The following NOSIP variants were observed in gnomAD, a reference collection of about 807,000 sequenced individuals.
NOSIP encodes the protein nitric oxide synthase interacting protein.
A neutral mutation model predicts 36.4 loss-of-function variants in NOSIP; 25 were observed. The ratio of observed to expected loss-of-function variants is 0.69; its 90% CI spans 0.50 to 0.96. The LOEUF (loss-of-function observed/expected upper bound fraction) is 0.96, where lower values mean the gene tolerates loss of function less well. Among genes scored for constraint, NOSIP ranks in the 40% least tolerant of loss-of-function variants. NOSIP has a pLI of 0.00. For synonymous variants in NOSIP, 187 were observed against 179.2 expected, an observed-to-expected ratio of 1.04 and a Z score of -0.35; for missense variants, 370 against 429.0, an observed-to-expected ratio of 0.86 and a Z score of 1.21.
chr19:49,566,388 A>G (rs773926907), intron 1 of NOSIP, among the ~76,000 whole-genome samples: 128 of 152,264 alleles, frequency 8.4e-4, no homozygotes, highest in Middle Eastern at 6.8e-3. Flanking sequence ...AGCTCGCTGC[A>G]GCCTCAAACT....
chr19:49,557,053 C>T, intron 5 of NOSIP, 37 bp downstream of exon 5: 3 of 1,591,830 alleles, frequency 1.9e-6, no homozygotes, highest in Non-Finnish European at 2.6e-6. Flanking sequence ...CCGCGGCGCC[C>T]CGCCCCCCAA....
At chr19:49,567,833 G>A (rs907673314) in intron 1 of NOSIP, among the ~76,000 whole-genome samples, 2 of 151,728 alleles carry the variant, frequency 1.3e-5, no homozygotes, top group African/African-American at 4.8e-5. Flanking sequence ...CACCAGGCCC[G>A]GCTAATTTTT....
chr19:49,567,617 G>C (rs1015830289), intron 1 of NOSIP, among the ~76,000 whole-genome samples: 3 of 152,072 alleles, frequency 2.0e-5, no homozygotes, highest in Non-Finnish European at 4.4e-5. Flanking sequence ...TGAGAGACTG[G>C]GAGAAGATAC....
intron 1 of NOSIP, among the ~76,000 whole-genome samples, chr19:49,577,095 C>A (rs2080563570): frequency 6.6e-6 from 1 of 151,972 alleles, no homozygotes; most frequent in South Asian, 2.1e-4. Flanking sequence ...TGACTATAAT[C>A]AAAAAGATAA....
In NOSIP at chr19:49,557,060, C is replaced by G. The variant is rs373825269; in HGVS notation, c.418+30G>C. On this transcript the variant is annotated intron_variant, in intron 5 of 8. Coordinates refer to ENST00000596358, the MANE Select transcript of NOSIP (RefSeq NM_001270960.2). ...CGCCCAGCCCGCGGCGCCCCGCCCCCCAACCCACAAGAAGCCCAACCTGAG... is the reference window on the plus strand; with the variant it reads ...CGCCCAGCCCGCGGCGCCCCGCCCCGCAACCCACAAGAAGCCCAACCTGAG... 100 of 1,600,256 alleles carry G rather than the reference C, an allele frequency of 6.2e-5. No individual in the cohort carries two copies. The Middle Eastern group carries it at 1.0e-3, about 16-fold the overall frequency.
intron 1 of NOSIP, among the ~76,000 whole-genome samples, chr19:49,566,316 G>A (rs111261691): frequency 0.098 from 14,931 of 152,018 alleles, 929 homozygotes; most frequent in Non-Finnish European, 0.14. Context: ...CACTGCGCCC[G>A]GCCTTTTCTT....
At chr19:49,570,691 C>T (rs900775250) in intron 1 of NOSIP, among the ~76,000 whole-genome samples, 2 of 152,116 alleles carry the variant, frequency 1.3e-5, no homozygotes, top group African/African-American at 4.8e-5. Flanking sequence ...TCTCAGTGAA[C>T]GTCCAACACC....
In NOSIP at chr19:49,555,590, A is replaced by C; in HGVS notation, c.*161T>G. On this transcript the variant is annotated 3_prime_UTR_variant, in exon 9 of 9. Coordinates refer to ENST00000596358, the MANE Select transcript of NOSIP (RefSeq NM_001270960.2). The stretch of plus-strand genomic sequence containing the variant: ...TGTTCTTAATGTGAGACCACATTCA[A>C]TATGCTTAGCCCGCTCTTTCAAACT... 1.7e-6 allele frequency: 1 copy of C among 600,460 alleles called. No homozygotes were observed. Among genetic ancestry groups the C allele is most frequent in the Non-Finnish European group, 3.0e-6 (1 of 333,208 alleles). The allele number at this position is 600,460 out of a possible 1,614,324, so 37.2% of individuals were successfully genotyped here. A position where few individuals can be genotyped will look rare whatever the true frequency, so the allele number is the denominator to read the frequency against.
chr19:49,556,578 G>A lies in NOSIP; in HGVS notation c.696C>T (p.Asn232=), dbSNP rs745886518. The A allele has an allele frequency of 5.6e-6, 9 of 1,605,936 alleles. No individual in the cohort carries two copies. Among genetic ancestry groups the A allele is most frequent in the East Asian group, 4.5e-5 (2 of 44,828 alleles). ...GCCGCAGCACAGCGCAGGGGGTGGC[G>A]TTGCTCAGGCTGTCGCGGGTCACGG... The part of the protein sequence containing the change: ...VCAVTRDSLS[N]ATPCAVLRPS... The change falls in exon 7 of 9, where the codon AAC becomes AAT. Residue 232 remains asparagine, a synonymous_variant. Coordinates refer to ENST00000596358, the MANE Select transcript of NOSIP (RefSeq NM_001270960.2).
chr19:49,574,115 G>A (rs1167873507), intron 1 of NOSIP, among the ~76,000 whole-genome samples: 3 of 152,006 alleles, frequency 2.0e-5, no homozygotes, highest in Non-Finnish European at 4.4e-5. Flanking sequence ...TACTACCTCG[G>A]CCTCCCAAAG....
intron 1 of NOSIP, among the ~76,000 whole-genome samples, chr19:49,561,570 C>CTT (rs2080334714): frequency 6.6e-6 from 1 of 152,076 alleles, no homozygotes; most frequent in East Asian, 1.9e-4. Context: ...ATTCACATAC[C>CTT]ATAAAATTAA....
Position 49,560,081 on chromosome 19 carries a change from C to A in NOSIP, c.71-42G>T, listed in dbSNP as rs772580114. The A allele has an allele frequency of 5.7e-5, 78 of 1,358,622 alleles. No homozygotes were observed. The highest frequency in any genetic ancestry group is 7.3e-5 in the Non-Finnish European group (70 of 960,280). The allele number at this position is 1,358,622 out of a possible 1,614,324, so 84.2% of individuals were successfully genotyped here. A position where few individuals can be genotyped will look rare whatever the true frequency, so the allele number is the denominator to read the frequency against. ...GCAGAGTGATGGAGGGGCGGAGCAA[C>A]AGGAGACATGTCCGTCTCCAAAGCC... On this transcript the variant is annotated intron_variant, in intron 2 of 8. Coordinates refer to ENST00000596358, the MANE Select transcript of NOSIP (RefSeq NM_001270960.2). The surrounding 1 kb of genome is among the most constrained non-coding windows in gnomAD (Gnocchi z 4.6).
At chr19:49,576,711 C>T (rs992268443) in intron 1 of NOSIP, among the ~76,000 whole-genome samples, 3 of 151,648 alleles carry the variant, frequency 2.0e-5, no homozygotes, top group African/African-American at 4.8e-5. Context: ...ATGGAGAAAC[C>T]CCATCTCTAC....
intron 8 of NOSIP, 150 bp from the exon 9 acceptor site, chr19:49,555,972 G>C: frequency 1.6e-6 from 1 of 632,232 alleles, no homozygotes; most frequent in South Asian, 1.8e-5. Context: ...GGCGACCGCA[G>C]TGGGTACGGA....
chr19:49,568,805 TGTTTG>T (rs1599759414), intron 1 of NOSIP, among the ~76,000 whole-genome samples: 1 of 137,338 alleles, frequency 7.3e-6, no homozygotes, highest in African/African-American at 3.1e-5. Context: ...ATAGTTTGTT[TGTTTG>T]TTTTTTTTTT....
At chr19:49,558,245 C>CTTTTTTTCTTTTTTTT (rs1418617713) in intron 4 of NOSIP, 1 of 123,648 alleles carries the variant, frequency 8.1e-6, no homozygotes. Flanking sequence ...CGTAGCACAT[C>CTTTTTTTCTTTTTTTT]TTTTTTTTTT....
Position 49,556,875 on chromosome 19 carries a change from C to T in NOSIP, c.537G>A (p.Pro179=), listed in dbSNP as rs770579527. ...PEAKATKLEK[P]SRTVTCPMSG... ...GTGCCGGGGCGCTGTGGGGGCTCAC[C>T]GGCTTCTCCAGCTTGGTGGCCTTGG... The change falls in exon 6 of 9, where the codon CCG becomes CCA. Residue 179 remains proline (P), a splice_region_variant and synonymous_variant. Coordinates refer to ENST00000596358, the MANE Select transcript of NOSIP (RefSeq NM_001270960.2). The T allele has an allele frequency of 3.7e-6, 6 of 1,612,056 alleles. No individual in the cohort carries two copies. The highest frequency in any genetic ancestry group is 1.1e-5 in the South Asian group (1 of 91,026).
chr19:49,578,298 A>C (rs559627386), intron 1 of NOSIP, among the ~76,000 whole-genome samples: 1 of 151,514 alleles, frequency 6.6e-6, no homozygotes, highest in Admixed American at 6.6e-5. Flanking sequence ...CAATTTTTGT[A>C]TTTTTAGTAG....
intron 1 of NOSIP, among the ~76,000 whole-genome samples, chr19:49,574,092 A>C (rs900888462): frequency 6.6e-6 from 1 of 151,932 alleles, no homozygotes; most frequent in Non-Finnish European, 1.5e-5. Context: ...TGAACTCCTG[A>C]CCTCAGGTGA....
Sources: allele counts gnomAD v4.1 joint callset (sites outside exome capture counted in the v4.1 genomes callset), GRCh38; gene constraint gnomAD v4.1.1; non-coding constraint Gnocchi (gnomAD v3.1); transcripts MANE v1.5; gene names NCBI Gene and HGNC (gene_info 2026-07-23, HGNC 2026-07-21).